The following CHRM5 variants were observed in gnomAD, a reference collection of about 807,000 sequenced individuals.
The protein encoded by CHRM5 is muscarinic acetylcholine receptor M5.
In CHRM5, 18 loss-of-function variants were observed where a neutral mutation model predicts 39.0. That is an observed-to-expected ratio of 0.46 (90% CI 0.32 to 0.68). CHRM5 has a LOEUF of 0.68. CHRM5 is among the 30% of genes least tolerant of loss of function. The pLI, the probability that CHRM5 is intolerant of heterozygous loss-of-function variation, is 0.04. For missense variants in CHRM5, 515 were observed against 651.1 expected (o/e 0.79, Z 2.28); for synonymous variants, 241 against 246.3 (o/e 0.98, Z 0.20).
intron 1 of CHRM5, among the ~76,000 whole-genome samples, chr15:33,996,871 G>C (rs1896957706): frequency 1.3e-5 from 2 of 152,238 alleles, no homozygotes; most frequent in South Asian, 4.1e-4. Context: ...TGAGCTGACA[G>C]AAGTAGGCTT....
intron 1 of CHRM5, among the ~76,000 whole-genome samples, chr15:34,032,918 C>G (rs1272153289): frequency 6.6e-6 from 1 of 152,130 alleles, no homozygotes; most frequent in Non-Finnish European, 1.5e-5. Flanking sequence ...GATGGAGAAC[C>G]TAATACAGTC....
chr15:34,037,090 C>T (rs935604839), intron 1 of CHRM5, among the ~76,000 whole-genome samples: 2 of 145,214 alleles, frequency 1.4e-5, no homozygotes, highest in Non-Finnish European at 3.0e-5. Flanking sequence ...GCCTGGGCAA[C>T]AAGAGTAAAA....
chr15:33,980,650 C>T (rs1896097737), intron 1 of CHRM5, among the ~76,000 whole-genome samples: 1 of 152,160 alleles, frequency 6.6e-6, no homozygotes, highest in Admixed American at 6.5e-5. Flanking sequence ...GAGTGACACA[C>T]AGAAAAGAGA....
chr15:34,011,811 G>A (rs1030581394), intron 1 of CHRM5, among the ~76,000 whole-genome samples: 2 of 152,188 alleles, frequency 1.3e-5, no homozygotes, highest in African/African-American at 4.8e-5. Flanking sequence ...ATTTGCATCT[G>A]TAGGCAGCCC....
chr15:34,027,563 C>A (rs1234573352), intron 1 of CHRM5, among the ~76,000 whole-genome samples: 2 of 151,072 alleles, frequency 1.3e-5, no homozygotes, highest in East Asian at 3.9e-4. Context: ...AACAGCCTCA[C>A]AACTATGGTA....
chr15:33,993,363 C>A (rs1207890705), intron 1 of CHRM5, among the ~76,000 whole-genome samples: 1 of 152,092 alleles, frequency 6.6e-6, no homozygotes, highest in Non-Finnish European at 1.5e-5. Context: ...ACAATCTTAC[C>A]AGAAAAAGTA....
At chr15:34,031,845 C>T (rs548831437) in intron 1 of CHRM5, among the ~76,000 whole-genome samples, 14 of 152,280 alleles carry the variant, frequency 9.2e-5, no homozygotes, top group African/African-American at 3.4e-4. Context: ...TTTTCAGCAT[C>T]CTCTGACAAA....
At chr15:34,027,548 A>G (rs1898543448) in intron 1 of CHRM5, among the ~76,000 whole-genome samples, 1 of 151,668 alleles carries the variant, frequency 6.6e-6, no homozygotes, top group Admixed American at 6.6e-5. Context: ...AAAAGAAAGA[A>G]AACGAACAGC....
chr15:34,063,425 G>A lies in CHRM5; in HGVS notation c.708G>A (p.Val236=). Residue 236 remains valine (V), a synonymous_variant, in exon 3 of 3, where the codon GTG becomes GTA. Coordinates refer to ENST00000383263, the MANE Select transcript of CHRM5 (RefSeq NM_012125.4). The surrounding 1 kb of genome is among the most constrained non-coding windows in gnomAD (Gnocchi z 4.1). Reference sequence around the variant, plus strand: ...CTGACCTCCAGGGTTCTGACTCTGTGACCAAAGCTGAGAAGAGAAAGCCAG... The same window carrying A: ...CTGACCTCCAGGGTTCTGACTCTGTAACCAAAGCTGAGAAGAGAAAGCCAG... ...DLADLQGSDS[V]TKAEKRKPAH... 1.2e-6 allele frequency: 2 copies of A among 1,613,902 alleles called. No homozygotes were observed. The highest frequency in any genetic ancestry group is 1.7e-6 in the Non-Finnish European group (2 of 1,180,032).
intron 1 of CHRM5, among the ~76,000 whole-genome samples, chr15:34,017,485 T>TTTG (rs1897974297): frequency 2.9e-4 from 7 of 24,400 alleles, no homozygotes; most frequent in African/African-American, 9.3e-4. Flanking sequence ...TTTTTTTTTG[T>TTTG]TTTTTTTTTT....
chr15:34,004,256 T>G (rs1897245619), intron 1 of CHRM5, among the ~76,000 whole-genome samples: 1 of 152,236 alleles, frequency 6.6e-6, no homozygotes, highest in Non-Finnish European at 1.5e-5. Flanking sequence ...CTCAGATGCA[T>G]GCTAGAGAAC....
chr15:34,050,901 G>A (rs1248060035), intron 2 of CHRM5, among the ~76,000 whole-genome samples: 1 of 152,064 alleles, frequency 6.6e-6, no homozygotes, highest in Non-Finnish European at 1.5e-5. Flanking sequence ...CAATAATAGT[G>A]GGAGACTTTA....
intron 1 of CHRM5, among the ~76,000 whole-genome samples, chr15:33,992,242 T>G (rs1896754007): frequency 6.6e-6 from 1 of 152,064 alleles, no homozygotes; most frequent in Non-Finnish European, 1.5e-5. Flanking sequence ...ACAAAACAGT[T>G]AGCTGGGCGT....
At chr15:33,999,351 C>A (rs536527740) in intron 1 of CHRM5, among the ~76,000 whole-genome samples, 2 of 152,274 alleles carry the variant, frequency 1.3e-5, no homozygotes, top group Admixed American at 1.3e-4. Flanking sequence ...CACAGCACTA[C>A]CTCAGTGCTT....
At chr15:33,996,893 T>C (rs1261047239) in intron 1 of CHRM5, among the ~76,000 whole-genome samples, 2 of 152,132 alleles carry the variant, frequency 1.3e-5, no homozygotes, top group Non-Finnish European at 2.9e-5. Context: ...GGAAGGCTGG[T>C]AATAACAAAC....
intron 1 of CHRM5, among the ~76,000 whole-genome samples, chr15:34,044,091 A>G (rs980615575): frequency 1.7e-4 from 26 of 151,834 alleles, no homozygotes; most frequent in African/African-American, 5.6e-4. Flanking sequence ...CCCTTTAAAA[A>G]AAATGAAAAA....
chr15:34,033,528 A>G (rs1339336358), intron 1 of CHRM5, among the ~76,000 whole-genome samples: 3 of 152,122 alleles, frequency 2.0e-5, no homozygotes, highest in Non-Finnish European at 4.4e-5. Flanking sequence ...AAAATTGCAA[A>G]TCAAAATAAC....
At chr15:34,058,308 C>G (rs1483389105) in intron 2 of CHRM5, among the ~76,000 whole-genome samples, 1 of 151,998 alleles carries the variant, frequency 6.6e-6, no homozygotes, top group Non-Finnish European at 1.5e-5. Flanking sequence ...TAAAATTAAC[C>G]ATCACACTAT....
chr15:33,991,258 C>T (rs966846828), intron 1 of CHRM5: 24 of 152,146 alleles, frequency 1.6e-4, no homozygotes, highest in African/African-American at 5.8e-4. Flanking sequence ...TATAAAAATA[C>T]AGACCTTCTA....
Sources: allele counts gnomAD v4.1 joint callset (sites outside exome capture counted in the v4.1 genomes callset), GRCh38; gene constraint gnomAD v4.1.1; non-coding constraint Gnocchi (gnomAD v3.1); transcripts MANE v1.5; gene names NCBI Gene and HGNC (gene_info 2026-07-23, HGNC 2026-07-21).